KCNH5: variants seen among roughly 807,000 people sequenced by gnomAD.
The protein encoded by KCNH5 is potassium voltage-gated channel subfamily H member 5, also known as voltage-gated delayed rectifier potassium channel KCNH5.
Under a neutral mutation model 96.1 loss-of-function variants are expected in KCNH5, and 46 were observed. That is an observed-to-expected ratio of 0.48 (90% CI 0.38 to 0.61). The LOEUF is 0.61. Among genes scored for constraint, KCNH5 ranks in the 20% least tolerant of loss-of-function variants. The pLI is 0.00. For synonymous variants in KCNH5, 439 were observed against 449.8 expected (o/e 0.98, Z 0.30); for missense variants, 907 against 1,225.8 (o/e 0.74, Z 3.88).
chr14:62,869,652 A>C (rs1462604941), intron 7 of KCNH5, among the ~76,000 whole-genome samples: 1 of 152,090 alleles, frequency 6.6e-6, no homozygotes, highest in Non-Finnish European at 1.5e-5. Context: ...TAGGGTTTTT[A>C]TTATTTTAGG....
At chr14:62,828,991 C>CA (rs1400545470) in intron 8 of KCNH5, among the ~76,000 whole-genome samples, 4 of 152,072 alleles carry the variant, frequency 2.6e-5, no homozygotes, top group African/African-American at 9.7e-5. Flanking sequence ...AGAAATGGGT[C>CA]AAAACAAAGG....
At chr14:62,992,811 T>C (rs758468926) in intron 4 of KCNH5, among the ~76,000 whole-genome samples, 1 of 152,094 alleles carries the variant, frequency 6.6e-6, no homozygotes, top group Non-Finnish European at 1.5e-5. Context: ...TAGAAGCTTT[T>C]AGTTTAATTA....
chr14:62,855,128 G>A (rs1322634261), intron 7 of KCNH5, among the ~76,000 whole-genome samples: 1 of 151,848 alleles, frequency 6.6e-6, no homozygotes, highest in East Asian at 2.0e-4. Context: ...TTTTTCTGGA[G>A]AGGCCCACAT....
chr14:62,700,091 T>C lies in KCNH5; in HGVS notation c.*7417A>G, dbSNP rs1884324430. The C allele has an allele frequency of 6.6e-6, 1 of 152,162 alleles. No homozygotes were observed. Among genetic ancestry groups the C allele is most frequent in the South Asian group, 2.1e-4 (1 of 4,828 alleles). The allele number at this position is 152,162 out of a possible 1,614,324, so 9.4% of individuals were successfully genotyped here. A position where few individuals can be genotyped will look rare whatever the true frequency, so the allele number is the denominator to read the frequency against. On this transcript the variant is annotated 3_prime_UTR_variant, in exon 11 of 11. Coordinates refer to ENST00000322893, the MANE Select transcript of KCNH5 (RefSeq NM_139318.5). The stretch of plus-strand genomic sequence containing the variant: ...ATTAATTCCCATAGTAACATTAGTG[T>C]TATAGTAGAATTTACATTGTAGTAT...
At chr14:62,909,602 T>G (rs898470135) in intron 7 of KCNH5, among the ~76,000 whole-genome samples, 2 of 152,168 alleles carry the variant, frequency 1.3e-5, no homozygotes, top group African/African-American at 4.8e-5. Flanking sequence ...AAAATAGAAG[T>G]GGATGTTCTT....
At chr14:62,830,712 G>A (rs963807480) in intron 8 of KCNH5, among the ~76,000 whole-genome samples, 1 of 152,146 alleles carries the variant, frequency 6.6e-6, no homozygotes, top group Admixed American at 6.5e-5. Context: ...TGAGATTTGG[G>A]TGGGGACATG....
At chr14:62,936,075 A>G (rs1190703409) in intron 7 of KCNH5, among the ~76,000 whole-genome samples, 1 of 152,210 alleles carries the variant, frequency 6.6e-6, no homozygotes, top group Non-Finnish European at 1.5e-5. Context: ...AAGAAGCCAA[A>G]GAAGAAGTAC....
At chr14:62,926,349 A>AT (rs1461637483) in intron 7 of KCNH5, among the ~76,000 whole-genome samples, 1 of 152,114 alleles carries the variant, frequency 6.6e-6, no homozygotes, top group Non-Finnish European at 1.5e-5. Flanking sequence ...ATAAATGAGA[A>AT]TTTTTTCCAT....
At chr14:62,771,322 G>C (rs1163546998) in intron 10 of KCNH5, among the ~76,000 whole-genome samples, 1 of 152,118 alleles carries the variant, frequency 6.6e-6, no homozygotes, top group African/African-American at 2.4e-5. Context: ...GTGGTATAGA[G>C]ATGTTTAATA....
At chr14:62,984,767 A>G (rs1416903416) in intron 5 of KCNH5, among the ~76,000 whole-genome samples, 1 of 152,200 alleles carries the variant, frequency 6.6e-6, no homozygotes, top group African/African-American at 2.4e-5. Context: ...CAAAGAAAAA[A>G]AAAACAGATG....
At position 62,859,970 on chromosome 14, in the gene KCNH5, C is replaced by T. The variant is rs1014999538; in HGVS notation, c.1370-10118G>A. Among the ~76,000 whole-genome samples the T allele has an allele frequency of 5.3e-5, 8 of 152,192 alleles. No individual in the cohort carries two copies. The South Asian group carries it at 6.2e-4, about 12-fold the overall frequency. On this transcript the variant is annotated intron_variant, in intron 7 of 10. Coordinates refer to ENST00000322893, the MANE Select transcript of KCNH5 (RefSeq NM_139318.5). The stretch of plus-strand genomic sequence containing the variant: ...GCATTTGAGACACTTCTTCATGTAA[C>T]TTACTTATGCCTTCAAGACTTGCTT...
intron 10 of KCNH5, chr14:62,712,499 C>T: frequency 1.6e-6 from 1 of 624,340 alleles, no homozygotes; most frequent in Non-Finnish European, 2.9e-6. Flanking sequence ...AGTGGTTTCC[C>T]TTAGGTCACA....
chr14:62,884,871 T>C (rs939672294), intron 7 of KCNH5, among the ~76,000 whole-genome samples: 48 of 152,214 alleles, frequency 3.2e-4, no homozygotes, highest in African/African-American at 1.1e-3. Context: ...CATATAATTA[T>C]GTCACTTCCA....
chr14:62,813,870 C>A (rs1227279483), intron 8 of KCNH5, among the ~76,000 whole-genome samples: 2 of 152,050 alleles, frequency 1.3e-5, no homozygotes, highest in Non-Finnish European at 2.9e-5. Flanking sequence ...AAAGAAAGCT[C>A]ACCTTTATAT....
At chr14:62,920,306 A>C (rs1889355705) in intron 7 of KCNH5, among the ~76,000 whole-genome samples, 1 of 152,088 alleles carries the variant, frequency 6.6e-6, no homozygotes, top group Non-Finnish European at 1.5e-5. Context: ...CCCAGAGAAG[A>C]GTTTACATCG....
At chr14:62,758,232 G>A (rs911455130) in intron 10 of KCNH5, among the ~76,000 whole-genome samples, 1 of 151,140 alleles carries the variant, frequency 6.6e-6, no homozygotes, top group Non-Finnish European at 1.5e-5. Flanking sequence ...TAATTTAATT[G>A]TACATTTTAA....
chr14:62,789,547 C>T (rs1047517995), intron 9 of KCNH5, among the ~76,000 whole-genome samples: 14 of 151,944 alleles, frequency 9.2e-5, no homozygotes, highest in East Asian at 3.9e-4. Flanking sequence ...CTCCCACCAA[C>T]GGTATTCCAG....
intron 10 of KCNH5, among the ~76,000 whole-genome samples, chr14:62,754,027 TACA>T (rs1885562679): frequency 1.3e-5 from 2 of 152,076 alleles, no homozygotes; most frequent in Non-Finnish European, 2.9e-5. Flanking sequence ...TCTAAAAAGC[TACA>T]ACAACTTTTC....
chr14:63,042,366 C>G (rs1891841091), intron 1 of KCNH5, among the ~76,000 whole-genome samples: 2 of 151,968 alleles, frequency 1.3e-5, no homozygotes, highest in African/African-American at 4.8e-5. Context: ...ACCTATGTGA[C>G]TGTGTATTAT....
Sources: allele counts gnomAD v4.1 joint callset (sites outside exome capture counted in the v4.1 genomes callset), GRCh38; gene constraint gnomAD v4.1.1; transcripts MANE v1.5; gene names NCBI Gene and HGNC (gene_info 2026-07-23, HGNC 2026-07-21).